KPRP: variants seen among roughly 807,000 people sequenced by gnomAD.
KPRP encodes the protein keratinocyte proline rich protein, also known as keratinocyte proline-rich protein.
For missense variants in KPRP, 820 were observed against 746.4 expected (o/e 1.10, Z -1.15); for synonymous variants, 282 against 276.9 (o/e 1.02, Z -0.18).
chr1:152,760,438 C>T (rs1243361398), exon 1 of KPRP: 10 of 1,613,858 alleles, frequency 6.2e-6, no homozygotes, highest in African/African-American at 1.3e-5. Flanking sequence ...CAGCTACCTG[C>T]CACTAAGACC....
exon 1 of KPRP, chr1:152,761,535 G>A (rs149269178): frequency 2.6e-4 from 232 of 891,398 alleles, no homozygotes; most frequent in Middle Eastern, 1.8e-3. Flanking sequence ...GTCACTCCTC[G>A]CCCGTACGCA....
upstream of KPRP, chr1:152,759,467 A>G: frequency 6.9e-7 from 1 of 1,441,542 alleles, no homozygotes; most frequent in Non-Finnish European, 9.2e-7. Flanking sequence ...GGGTGGAGGA[A>G]GAAAAGCTAG....
chr1:152,759,422 G>A, upstream of KPRP: 2 of 1,199,480 alleles, frequency 1.7e-6, no homozygotes, highest in Non-Finnish European at 2.3e-6. Flanking sequence ...TTAATCCTGG[G>A]TCGAACTAAG....
upstream of KPRP, among the ~76,000 whole-genome samples, chr1:152,758,734 A>G (rs1222599568): frequency 6.6e-6 from 1 of 152,154 alleles, no homozygotes; most frequent in Non-Finnish European, 1.5e-5. Context: ...GGCTTACTCC[A>G]TCTTAGGTAA....
upstream of KPRP, among the ~76,000 whole-genome samples, chr1:152,758,811 G>A (rs1250343394): frequency 6.6e-6 from 1 of 152,242 alleles, no homozygotes; most frequent in Non-Finnish European, 1.5e-5. Flanking sequence ...TCACACTTCA[G>A]GTGATTAGCA....
chr1:152,761,373 T>C lies in KPRP; in HGVS notation c.*45T>C. On this transcript the variant is annotated 3_prime_UTR_variant, in exon 1 of 1. Coordinates refer to ENST00000606109, the Ensembl canonical transcript of KPRP. ...ACCCTCTCTCCTGCTCTGAAAATGT[T>C]GTTCCTCCTATTCCACAATTTCCAG... 5 of 1,567,784 alleles carry C rather than the reference T, an allele frequency of 3.2e-6. No individual in the cohort carries two copies. In the South Asian group the frequency reaches 4.8e-5, roughly 15 times the overall value.
rs76259710 is a variant in KPRP at position 152,760,924 on chromosome 1, C to T, written c.1336C>T (p.Pro446Ser). ...TCCAGCACTACGTCCAACACCGCGG[C>T]CAGTTCCCCTTCCTCGCCCAGGGCA... Residue 446 changes from proline to serine, a missense_variant, in exon 1 of 1, where the codon CCA becomes TCA. By Grantham distance (74) the Pro-to-Ser change is moderately conservative (BLOSUM62 -1). Coordinates refer to ENST00000606109, the Ensembl canonical transcript of KPRP. The T allele has an allele frequency of 2.5e-6, 4 of 1,613,690 alleles. No homozygotes were observed. In the African/African-American group the frequency reaches 5.3e-5, roughly 21 times the overall value.
rs913098171 is a variant in KPRP at position 152,760,130 on chromosome 1, A to T, written c.542A>T (p.Gln181Leu). Residue 181 changes from glutamine (Q) to leucine (L), a missense_variant, in exon 1 of 1, where the codon CAG becomes CTG. Gln to Leu is a moderately radical substitution (Grantham distance 113). Coordinates refer to ENST00000606109, the Ensembl canonical transcript of KPRP. ...CAGCCTCAGGGAAGATTCTCCACCC[A>T]GTGCCAGTATCAAGGCTCCTATAGC... is the stretch of plus-strand genomic sequence containing the variant. 3.7e-6 allele frequency: 6 copies of T among 1,614,050 alleles called. No homozygotes were observed. In the African/African-American group the frequency reaches 5.3e-5, roughly 14 times the overall value.
chr1:152,760,708 G>A (rs770898687), exon 1 of KPRP: 3 of 1,613,782 alleles, frequency 1.9e-6, no homozygotes, highest in Admixed American at 1.7e-5. Context: ...GAGGCCACAC[G>A]TAGAGCCACG....
upstream of KPRP, chr1:152,759,424 C>G (rs893316649): frequency 5.8e-6 from 7 of 1,215,950 alleles, no homozygotes; most frequent in Non-Finnish European, 7.8e-6. Context: ...AATCCTGGGT[C>G]GAACTAAGTC....
chr1:152,761,691 A>C, exon 1 of KPRP: 1 of 218,560 alleles, frequency 4.6e-6, no homozygotes, highest in Non-Finnish European at 1.0e-5. Context: ...CAGCTTCTGA[A>C]ATCCACCCCA....
exon 1 of KPRP, chr1:152,761,344 G>C (rs752903081): frequency 8.7e-6 from 14 of 1,605,320 alleles, no homozygotes; most frequent in Non-Finnish European, 1.7e-6. Flanking sequence ...AGGTGACTGA[G>C]ATAACCCTCT....
In KPRP at chr1:152,760,210, T is replaced by C. The variant is rs1297168127; in HGVS notation, c.622T>C (p.Phe208Leu). 3 of 1,614,068 alleles carry C rather than the reference T, an allele frequency of 1.9e-6. No individual in the cohort carries two copies. The South Asian group carries it at 3.3e-5, about 18-fold the overall frequency. ...TACCTGCAACAACTACACCCCCCAG[T>C]TCCAGTTGAGGCCTTCCTACAGCAG... The change falls in exon 1 of 1, where the codon TTC (phenylalanine) becomes CTC (leucine). Residue 208 changes from phenylalanine (F) to leucine (L), a missense_variant. Coordinates refer to ENST00000606109, the Ensembl canonical transcript of KPRP.
At chr1:152,761,559 CCAGA>C in exon 1 of KPRP, 1 of 654,120 alleles carries the variant, frequency 1.5e-6, no homozygotes, top group African/African-American at 1.8e-5. Context: ...TCGGCTCTAG[CCAGA>C]CCAGTCTGGC....
exon 1 of KPRP, chr1:152,760,204 C>A (rs1387417669): frequency 6.2e-7 from 1 of 1,614,122 alleles, no homozygotes; most frequent in East Asian, 2.2e-5. Flanking sequence ...CAACTACACC[C>A]CCCAGTTCCA....
exon 1 of KPRP, chr1:152,760,087 G>C: frequency 6.2e-7 from 1 of 1,614,138 alleles, no homozygotes; most frequent in Non-Finnish European, 8.5e-7. Flanking sequence ...GATGTATAGA[G>C]GGCGTCCTGC....
chr1:152,759,946 G>C (rs749198811), exon 1 of KPRP: 1 of 1,614,220 alleles, frequency 6.2e-7, no homozygotes, highest in African/African-American at 1.3e-5. Context: ...GGTGTCCTAC[G>C]TGCAGTGCGA....
At chr1:152,760,436 T>C (rs1334768992) in exon 1 of KPRP, 1 of 1,613,514 alleles carries the variant, frequency 6.2e-7, no homozygotes, top group Non-Finnish European at 8.5e-7. Flanking sequence ...AGCAGCTACC[T>C]GCCACTAAGA....
At chr1:152,760,655 G>T (rs1305637808) in exon 1 of KPRP, 1 of 1,611,696 alleles carries the variant, frequency 6.2e-7, no homozygotes, top group South Asian at 1.1e-5. Flanking sequence ...CGCTCCCAGA[G>T]CTGTGGCCCG....
Sources: gnomAD v4.1 joint callset for allele counts (sites outside exome capture counted in the v4.1 genomes callset) on GRCh38, gnomAD v4.1.1 for gene constraint, MANE v1.5 for transcripts, NCBI Gene and HGNC (gene_info 2026-07-23, HGNC 2026-07-21) for gene names.